Variants in KCNT2 observed in about 807,000 individuals in gnomAD.
KCNT2 encodes potassium sodium-activated channel subfamily T member 2, also known as potassium channel subfamily T member 2.
Under a neutral mutation model 153.8 loss-of-function variants are expected in KCNT2, and 67 were observed. That is an observed-to-expected ratio of 0.44 (90% CI 0.36 to 0.53). The LOEUF (loss-of-function observed/expected upper bound fraction) is 0.53. Among genes scored for constraint, KCNT2 ranks in the 20% least tolerant of loss-of-function variants. KCNT2 has a pLI of 0.00. For synonymous variants in KCNT2, 500 were observed against 458.8 expected (o/e 1.09, Z -1.15); for missense variants, 975 against 1,354.8 (o/e 0.72, Z 4.40).
intron 21 of KCNT2, among the ~76,000 whole-genome samples, chr1:196,313,746 G>A (rs1437543731): frequency 6.6e-6 from 1 of 151,530 alleles, no homozygotes; most frequent in African/African-American, 2.4e-5. Context: ...GTAATGTCAT[G>A]ATAGGGCATA....
rs1225775700 is a variant in KCNT2, at chr1:196,334,111, C to T, written c.1784-51G>A. 5.2e-6 allele frequency: 6 copies of T among 1,159,268 alleles called. No homozygotes were observed. The Admixed American group carries it at 7.2e-5, about 14-fold the overall frequency. The allele number at this position is 1,159,268 out of a possible 1,614,324, so 71.8% of individuals were successfully genotyped here. A position where few individuals can be genotyped will look rare whatever the true frequency, so the allele number is the denominator to read the frequency against. The stretch of plus-strand genomic sequence containing the variant: ...ATCAAGGCGTTTGCCATATTGATCA[C>T]TAGTGTTGAAGGTTACATGAAATAT... On this transcript the variant is annotated intron_variant, in intron 16 of 27. Transcript: ENST00000294725.
Position 196,280,896 on chromosome 1 carries a change from G to A in KCNT2, c.2874C>T (p.Ile958=). 1 of 1,611,302 alleles carries A rather than the reference G, an allele frequency of 6.2e-7. No homozygotes were observed. Among genetic ancestry groups the A allele is most frequent in the Non-Finnish European group, 8.5e-7 (1 of 1,177,636 alleles). Residue 958 remains isoleucine (I), a synonymous_variant, in exon 25 of 28, where the codon ATC becomes ATT. Transcript: ENST00000294725. The part of the protein sequence containing the change: ...CSSTGDVPIG[I]YRTESQKLTT... ...TAAGTTTCTGAGACTCAGTCCTGTAGATTCCAATGGGAACATCTCCAGTAG... is the reference window on the plus strand; with the variant it reads ...TAAGTTTCTGAGACTCAGTCCTGTAAATTCCAATGGGAACATCTCCAGTAG...
At chr1:196,517,573 C>T (rs758781014) in intron 1 of KCNT2, among the ~76,000 whole-genome samples, 1 of 152,052 alleles carries the variant, frequency 6.6e-6, no homozygotes, top group Non-Finnish European at 1.5e-5. Context: ...TAAGAGAGAA[C>T]CTAACTGATC....
chr1:196,293,456 A>C (rs1660384877), intron 22 of KCNT2, among the ~76,000 whole-genome samples: 1 of 152,230 alleles, frequency 6.6e-6, no homozygotes, highest in Non-Finnish European at 1.5e-5. Context: ...GCAGACAGGA[A>C]GATTGACCAA....
At chr1:196,552,742 G>A (rs943504883) in intron 1 of KCNT2, among the ~76,000 whole-genome samples, 1 of 151,338 alleles carries the variant, frequency 6.6e-6, no homozygotes, top group Non-Finnish European at 1.5e-5. Flanking sequence ...AAGATGTAAA[G>A]AGAACAATAA....
At chr1:196,504,594 A>C (rs565047751) in intron 1 of KCNT2, among the ~76,000 whole-genome samples, 1 of 152,172 alleles carries the variant, frequency 6.6e-6, no homozygotes, top group Non-Finnish European at 1.5e-5. Context: ...CTTTGGGTAT[A>C]TACCCAGTAA....
chr1:196,424,932 C>A (rs1287377598), intron 11 of KCNT2, among the ~76,000 whole-genome samples: 1 of 151,286 alleles, frequency 6.6e-6, no homozygotes, highest in Non-Finnish European at 1.5e-5. Context: ...CAAATACACA[C>A]CCGCTCATGC....
chr1:196,313,453 A>C (rs1193870379), intron 21 of KCNT2, among the ~76,000 whole-genome samples: 1 of 151,558 alleles, frequency 6.6e-6, no homozygotes, highest in African/African-American at 2.4e-5. Context: ...GTCATAGTAA[A>C]TCAGGAACTA....
chr1:196,503,697 A>G (rs1680883513), intron 1 of KCNT2, among the ~76,000 whole-genome samples: 1 of 152,192 alleles, frequency 6.6e-6, no homozygotes, highest in African/African-American at 2.4e-5. Context: ...GAGTTGGGCT[A>G]TGTTCAACAG....
At chr1:196,491,637 A>G (rs542030815) in intron 2 of KCNT2, among the ~76,000 whole-genome samples, 12 of 152,140 alleles carry the variant, frequency 7.9e-5, no homozygotes, top group African/African-American at 2.9e-4. Flanking sequence ...CTAACCTTGA[A>G]TAGGCTCAGG....
chr1:196,376,173 C>T (rs190851181), intron 13 of KCNT2, among the ~76,000 whole-genome samples: 1 of 151,922 alleles, frequency 6.6e-6, no homozygotes, highest in African/African-American at 2.4e-5. Context: ...CAATCAAATT[C>T]CCCTCTCTTT....
intron 23 of KCNT2, among the ~76,000 whole-genome samples, chr1:196,284,230 T>TAAA (rs1190571024): frequency 0.013 from 39 of 2,968 alleles, 10 homozygotes; most frequent in South Asian, 0.028. Flanking sequence ...GACTCTGTCT[T>TAAA]AAAAAAAAAA....
At chr1:196,409,243 A>G (rs1185667656) in intron 12 of KCNT2, among the ~76,000 whole-genome samples, 2 of 151,102 alleles carry the variant, frequency 1.3e-5, no homozygotes, top group East Asian at 2.0e-4. Flanking sequence ...TATTTATCCC[A>G]TCTATTCTTT....
intron 12 of KCNT2, among the ~76,000 whole-genome samples, chr1:196,411,140 C>T (rs1252488358): frequency 7.3e-6 from 1 of 137,806 alleles, no homozygotes; most frequent in African/African-American, 2.7e-5. Flanking sequence ...TTTCCTACCT[C>T]CCTTCCTTCC....
intron 1 of KCNT2, among the ~76,000 whole-genome samples, chr1:196,577,486 G>C (rs1661503854): frequency 6.6e-6 from 1 of 152,148 alleles, no homozygotes; most frequent in Non-Finnish European, 1.5e-5. Flanking sequence ...GAATTAGGGA[G>C]AAGAAAGCGG....
At chr1:196,436,771 A>G (rs936269142) in intron 8 of KCNT2, among the ~76,000 whole-genome samples, 4 of 150,810 alleles carry the variant, frequency 2.7e-5, no homozygotes, top group Non-Finnish European at 1.5e-5. Flanking sequence ...GTACTCAAAT[A>G]CAGCACATTC....
At chr1:196,243,236 T>C (rs79340298) in intron 26 of KCNT2, among the ~76,000 whole-genome samples, 276 of 152,330 alleles carry the variant, frequency 1.8e-3, no homozygotes, top group Admixed American at 4.1e-3. Context: ...CTTTCTTCTT[T>C]TCATTGCATG....
chr1:196,250,764 A>G (rs945751335), intron 26 of KCNT2, among the ~76,000 whole-genome samples: 2 of 152,148 alleles, frequency 1.3e-5, no homozygotes, highest in Non-Finnish European at 2.9e-5. Context: ...AGGAGCTCAA[A>G]CAACTTTATG....
At chr1:196,601,729 C>CT (rs916626881) in intron 1 of KCNT2, among the ~76,000 whole-genome samples, 8 of 152,220 alleles carry the variant, frequency 5.3e-5, no homozygotes, top group Admixed American at 4.6e-4. Context: ...AGCCTACTTC[C>CT]TTTTTTTAGA....
Sources: gnomAD v4.1 joint callset for allele counts (sites outside exome capture counted in the v4.1 genomes callset) on GRCh38, gnomAD v4.1.1 for gene constraint, MANE v1.5 for transcripts, NCBI Gene and HGNC (gene_info 2026-07-23, HGNC 2026-07-21) for gene names.